Variants in UVSSA observed in about 807,000 individuals in gnomAD.
UVSSA encodes UV-stimulated scaffold protein A.
A neutral mutation model predicts 73.9 loss-of-function variants in UVSSA; 72 were observed. The ratio of observed to expected loss-of-function variants is 0.97; its 90% CI spans 0.81 to 1.19. UVSSA has a LOEUF of 1.19. UVSSA is among the 50% of genes most tolerant of loss of function. The pLI is 0.00. For missense variants in UVSSA, 1,150 were observed against 965.0 expected (o/e 1.19, Z -2.54); for synonymous variants, 454 against 391.3 (o/e 1.16, Z -1.89).
At chr4:1,395,897 A>G (rs1720541790) in exon 14 of UVSSA, 5 of 1,591,930 alleles carry the variant, frequency 3.1e-6, no homozygotes, top group Non-Finnish European at 3.4e-6. Flanking sequence ...TTTTTGTAAA[A>G]TTGAATTCAG....
downstream of UVSSA, chr4:1,389,770 C>T (rs1720361180): frequency 6.6e-6 from 1 of 152,196 alleles, no homozygotes; most frequent in Admixed American, 6.5e-5. Flanking sequence ...AGTGACCCTC[C>T]CACCTTGACC....
intron 10 of UVSSA, 109 bp from the exon 11 acceptor site, chr4:1,379,938 G>T: frequency 7.6e-7 from 1 of 1,319,520 alleles, no homozygotes; most frequent in Non-Finnish European, 1.0e-6. Flanking sequence ...ACAGTGTTGG[G>T]GTGGCTGGGC....
chr4:1,395,058 C>T (rs761806051), exon 14 of UVSSA: 1 of 1,312,488 alleles, frequency 7.6e-7, no homozygotes, highest in Non-Finnish European at 1.1e-6. Flanking sequence ...CTCACACGTG[C>T]CAACGTGGAG....
exon 14 of UVSSA, chr4:1,393,172 C>A (rs1328426863): frequency 6.6e-6 from 1 of 152,194 alleles, no homozygotes; most frequent in Admixed American, 6.5e-5. Context: ...GACCTATCTT[C>A]AAGGTCACAG....
At chr4:1,371,878 T>C (rs1718082834) in intron 8 of UVSSA, among the ~76,000 whole-genome samples, 1 of 152,238 alleles carries the variant, frequency 6.6e-6, no homozygotes, top group Admixed American at 6.5e-5. Context: ...GTTTTGACTG[T>C]GCTGTACAAA....
intron 8 of UVSSA, among the ~76,000 whole-genome samples, chr4:1,370,028 G>C (rs1717836242): frequency 6.6e-6 from 1 of 152,240 alleles, no homozygotes; most frequent in Non-Finnish European, 1.5e-5. Flanking sequence ...ATGTCAGAGA[G>C]ATTGATTTTC....
chr4:1,345,290 A>G (rs998163725), upstream of UVSSA, among the ~76,000 whole-genome samples: 1 of 152,070 alleles, frequency 6.6e-6, no homozygotes, highest in Non-Finnish European at 1.5e-5. Flanking sequence ...AGTGAGAGGA[A>G]GAGAGAAGCC....
rs540804821 is a variant in UVSSA at position 1,365,827 on chromosome 4, G to A, written c.1177-493G>A. Among the ~76,000 whole-genome samples the A allele has an allele frequency of 7.4e-3, 1,116 of 150,502 alleles. 5 individuals are homozygous for A. Among genetic ancestry groups the A allele is most frequent in the Non-Finnish European group, 0.013 (865 of 67,550 alleles). ...CCTAAGCCCCGGGGGCACCGCAGAC[G>A]CACCTGCTCCACCTGGTGGGAAGAT... On this transcript the variant is annotated intron_variant, in intron 7 of 13. Coordinates refer to ENST00000389851, the MANE Select transcript of UVSSA (RefSeq NM_020894.4).
rs770348220 is a variant in UVSSA at position 1,366,301 on chromosome 4, T to C, written c.1177-19T>C. ...CACAGGGTCTGGGGGTTGATTTGTATTGGGGTGTTTTTCCACAGACAGAAG... is the reference window on the plus strand; with the variant it reads ...CACAGGGTCTGGGGGTTGATTTGTACTGGGGTGTTTTTCCACAGACAGAAG... On this transcript the variant is annotated intron_variant, in intron 7 of 13. Coordinates refer to ENST00000389851, the MANE Select transcript of UVSSA (RefSeq NM_020894.4). 17 of 1,585,804 alleles carry C rather than the reference T, an allele frequency of 1.1e-5. No homozygotes were observed. In the Admixed American group the frequency reaches 2.2e-4, roughly 21 times the overall value.
At chr4:1,383,457 G>A (rs1379922099) in intron 12 of UVSSA, among the ~76,000 whole-genome samples, 2 of 152,208 alleles carry the variant, frequency 1.3e-5, no homozygotes, top group Admixed American at 6.5e-5. Context: ...CCCTAGGAGT[G>A]GCCTCTGGGC....
At position 1,371,165 on chromosome 4, in the gene UVSSA, TGTGTGTA is replaced by T. The variant is rs913297299; in HGVS notation, c.1289-4198_1289-4192del. Among the ~76,000 whole-genome samples, 29 of 152,272 alleles carry T rather than the reference TGTGTGTA, an allele frequency of 1.9e-4. 1 individual carries two copies. The highest frequency in any genetic ancestry group is 7.0e-4 in the African/African-American group (29 of 41,538). Reference sequence around the variant, plus strand: ...AAGTACTTGTGTGTGGACGTGTATGTGTGTGTATGTACTCAGTAAGCCTGCACAAAAG... The same window carrying T: ...AAGTACTTGTGTGTGGACGTGTATGTTGTACTCAGTAAGCCTGCACAAAAG... On this transcript the variant is annotated intron_variant, in intron 8 of 13. Coordinates refer to ENST00000389851, the MANE Select transcript of UVSSA (RefSeq NM_020894.4).
exon 14 of UVSSA, chr4:1,393,597 G>GATAGATAGATAA (rs1720456060): frequency 6.6e-6 from 1 of 152,040 alleles, no homozygotes; most frequent in Non-Finnish European, 1.5e-5. Flanking sequence ...TAGATAGATA[G>GATAGATAGATAA]ATAGATAGAT....
At chr4:1,394,744 A>G (rs1298969716) in exon 14 of UVSSA, 1 of 1,579,396 alleles carries the variant, frequency 6.3e-7, no homozygotes, top group South Asian at 1.1e-5. Flanking sequence ...CCACCTGCTC[A>G]TGTGCCCATG....
At position 1,395,157 on chromosome 4, in the gene UVSSA, T is replaced by C. The variant is rs147924999; in HGVS notation, c.*9196T>C. 6.5e-4 allele frequency: 734 copies of C among 1,120,986 alleles called. 187 individuals are homozygous for C. The highest frequency in any genetic ancestry group is 3.1e-3 in the African/African-American group (150 of 48,206). The allele number at this position is 1,120,986 out of a possible 1,614,324, so 69.4% of individuals were successfully genotyped here. A position where few individuals can be genotyped will look rare whatever the true frequency, so the allele number is the denominator to read the frequency against. ...GCCTGCCTGCTCACACGTGCCCATG[T>C]GGAGTGTTCGCCTGCTCACACGTGC... On this transcript the variant is annotated 3_prime_UTR_variant, in exon 14 of 14. Transcript: ENST00000511216.
chr4:1,390,291 T>G (rs1167423233), downstream of UVSSA: 1 of 152,220 alleles, frequency 6.6e-6, no homozygotes, highest in Admixed American at 6.5e-5. Context: ...TTTCCTTCTG[T>G]TATTGACTTC....
exon 14 of UVSSA, chr4:1,394,460 G>A: frequency 3.7e-6 from 6 of 1,608,296 alleles, no homozygotes; most frequent in Non-Finnish European, 5.1e-6. Flanking sequence ...TGTGAGCCAG[G>A]AAACCCAGTT....
Position 1,349,871 on chromosome 4 carries a change from C to A in UVSSA, c.429+17C>A. The A allele has an allele frequency of 6.6e-7, 1 of 1,514,068 alleles. No homozygotes were observed. Among genetic ancestry groups the A allele is most frequent in the East Asian group, 2.3e-5 (1 of 43,410 alleles). The allele number at this position is 1,514,068 out of a possible 1,614,324, so 93.8% of individuals were successfully genotyped here. A position where few individuals can be genotyped will look rare whatever the true frequency, so the allele number is the denominator to read the frequency against. Reference sequence around the variant, plus strand: ...AACAAAAAGGTAGGTGGGCCTGGCCCATTTTTTCAGAGACTGGTTACCTGA... The same window carrying A: ...AACAAAAAGGTAGGTGGGCCTGGCCAATTTTTTCAGAGACTGGTTACCTGA... On this transcript the variant is annotated intron_variant, in intron 3 of 13. Transcript: ENST00000389851.
chr4:1,385,467 C>T (rs1720008585), intron 13 of UVSSA: 2 of 229,722 alleles, frequency 8.7e-6, no homozygotes, highest in Non-Finnish European at 8.8e-6. Context: ...TGGAGCCGTG[C>T]GTGCAGCAGC....
rs976976490 is a variant in UVSSA, at chr4:1,385,421, C to A, written c.2037-447C>A. On this transcript the variant is annotated intron_variant, in intron 13 of 13. Coordinates refer to ENST00000389851, the MANE Select transcript of UVSSA (RefSeq NM_020894.4). ...GGAATGCCTGCCTGGCCCGTGCCCC[C>A]CCTGCTGCAGCCCTCCAGGTTTCCA... 6.2e-5 allele frequency: 13 copies of A among 210,688 alleles called. 2 individuals are homozygous for A. Among genetic ancestry groups the A allele is most frequent in the South Asian group, 3.2e-4 (4 of 12,548 alleles). 13.1% of individuals were successfully genotyped at this position (210,688 alleles called of 1,614,324 possible). A position where few individuals can be genotyped will look rare whatever the true frequency, so the allele number is the denominator to read the frequency against.
Sources: gnomAD v4.1 joint callset for allele counts (sites outside exome capture counted in the v4.1 genomes callset) on GRCh38, gnomAD v4.1.1 for gene constraint, MANE v1.5 for transcripts, NCBI Gene and HGNC (gene_info 2026-07-23, HGNC 2026-07-21) for gene names.